Variants in GATA4 observed in about 807,000 individuals in gnomAD.
GATA4 encodes transcription factor GATA-4.
Under a neutral mutation model 37.9 loss-of-function variants are expected in GATA4, and 7 were observed. The ratio of observed to expected loss-of-function variants is 0.18; its 90% CI spans 0.11 to 0.35. The LOEUF (loss-of-function observed/expected upper bound fraction) is 0.35. Among genes scored for constraint, GATA4 ranks in the 10% least tolerant of loss-of-function variants. The pLI is 1.00. For synonymous variants in GATA4, 372 were observed against 292.6 expected (o/e 1.27, Z -2.77); for missense variants, 647 against 653.0 (o/e 0.99, Z 0.10).
intron 2 of GATA4, among the ~76,000 whole-genome samples, chr8:11,735,379 G>A (rs1585653722): frequency 6.6e-6 from 1 of 152,078 alleles, no homozygotes; most frequent in Admixed American, 6.6e-5. Flanking sequence ...CAGATGGTGG[G>A]GGAATAAACA....
In GATA4 at chr8:11,750,176, C is replaced by A; in HGVS notation, c.852C>A (p.Arg284=). Residue 284 remains arginine, a synonymous_variant, in exon 4 of 7, where the codon CGC becomes CGA. Coordinates refer to ENST00000532059, the MANE Select transcript of GATA4 (RefSeq NM_001308093.3). The stretch of plus-strand genomic sequence containing the variant: ...AGACCACCACCACCACGCTGTGGCG[C>A]CGCAATGCGGAGGGCGAGCCTGTGT... ...NCQTTTTTLW[R]RNAEGEPVCN... 1 of 1,613,846 alleles carries A rather than the reference C, an allele frequency of 6.2e-7. No individual in the cohort carries two copies. Among genetic ancestry groups the A allele is most frequent in the Non-Finnish European group, 8.5e-7 (1 of 1,180,044 alleles).
intron 1 of GATA4, among the ~76,000 whole-genome samples, chr8:11,685,067 A>G (rs1211657935): frequency 1.3e-5 from 2 of 152,246 alleles, no homozygotes; most frequent in East Asian, 3.8e-4. Context: ...CAAAGTTTAT[A>G]ATTTGACAAG....
rs77747568 is a variant in GATA4 at position 11,749,919 on chromosome 8, C to T, written c.787-192C>T. Among the ~76,000 whole-genome samples, 5 of 152,216 alleles carry T rather than the reference C, an allele frequency of 3.3e-5. No homozygotes were observed. The highest frequency in any genetic ancestry group is 9.7e-5 in the African/African-American group (4 of 41,444). ...CTCCTCGGGCAGCAGAAACCTTGTT[C>T]TGATTTATTCCTCGCAGTGGCGCAG... On this transcript the variant is annotated intron_variant, in intron 3 of 6. Coordinates refer to ENST00000532059, the MANE Select transcript of GATA4 (RefSeq NM_001308093.3). The surrounding 1 kb of genome is among the most constrained non-coding windows in gnomAD (Gnocchi z 4.6).
chr8:11,685,315 G>A (rs1350246335), intron 1 of GATA4, among the ~76,000 whole-genome samples: 1 of 152,238 alleles, frequency 6.6e-6, no homozygotes, highest in Non-Finnish European at 1.5e-5. Context: ...AATTCTTTCT[G>A]CCTAATGTGG....
intron 2 of GATA4, among the ~76,000 whole-genome samples, chr8:11,739,578 T>C (rs1171090851): frequency 6.6e-6 from 1 of 151,464 alleles, no homozygotes; most frequent in Non-Finnish European, 1.5e-5. Context: ...AGCTGAATTA[T>C]ATTGTGTGTC....
intron 1 of GATA4, among the ~76,000 whole-genome samples, chr8:11,705,762 T>C (rs1427045186): frequency 2.0e-5 from 3 of 152,220 alleles, no homozygotes; most frequent in Non-Finnish European, 2.9e-5. Flanking sequence ...TCAGGCACTA[T>C]ATCAGCCATT....
chr8:11,743,000 C>A (rs936055093), intron 2 of GATA4, among the ~76,000 whole-genome samples: 1 of 152,228 alleles, frequency 6.6e-6, no homozygotes, highest in African/African-American at 2.4e-5. Context: ...CCAAGAAAGC[C>A]TTCTGTGTTG....
At position 11,757,062 on chromosome 8, in the gene GATA4, G is replaced by A. The variant is rs781488882; in HGVS notation, c.1128G>A (p.Gly376=). The A allele has an allele frequency of 2.5e-6, 4 of 1,614,154 alleles. No individual in the cohort carries two copies. Among genetic ancestry groups the A allele is most frequent in the Non-Finnish European group, 3.4e-6 (4 of 1,180,016 alleles). Residue 376 remains glycine, a synonymous_variant, in exon 6 of 7, where the codon GGG becomes GGA. Transcript: ENST00000532059. ...KTEPGLSSHY[G]HSSSVSQTFS... ...AGCCTGGCCTGTCATCTCACTACGG[G>A]CACAGCAGCTCCGTGTCCCAGGTAC...
At chr8:11,717,264 C>A (rs1800474579) in intron 2 of GATA4, among the ~76,000 whole-genome samples, 1 of 152,194 alleles carries the variant, frequency 6.6e-6, no homozygotes, top group African/African-American at 2.4e-5. Flanking sequence ...TTAATTTATA[C>A]AAAATACATT....
At chr8:11,738,228 A>G (rs1406416799) in intron 2 of GATA4, among the ~76,000 whole-genome samples, 2 of 151,972 alleles carry the variant, frequency 1.3e-5, no homozygotes, top group Admixed American at 6.6e-5. Flanking sequence ...ATACATTAAC[A>G]TAAACATAGT....
rs151239968 is a variant in GATA4, at chr8:11,725,442, C to T, written c.616+16514C>T. Among the ~76,000 whole-genome samples the T allele has an allele frequency of 8.5e-3, 1,299 of 152,374 alleles. 10 individuals carry two copies. The highest frequency in any genetic ancestry group is 0.014 in the Admixed American group (221 of 15,304). Reference sequence around the variant, plus strand: ...TACTGGCCCCCACCTTCAGAAGCCTCCGGCTCCGGGCACACGCTGGGAAGT... The same window carrying T: ...TACTGGCCCCCACCTTCAGAAGCCTTCGGCTCCGGGCACACGCTGGGAAGT... On this transcript the variant is annotated intron_variant, in intron 2 of 6. Coordinates refer to ENST00000532059, the MANE Select transcript of GATA4 (RefSeq NM_001308093.3).
chr8:11,721,662 C>G (rs13270069), intron 2 of GATA4, among the ~76,000 whole-genome samples: 90,652 of 151,844 alleles, frequency 0.6, 28,410 homozygotes, highest in Non-Finnish European at 0.71. Context: ...CAAGAGGGGA[C>G]AAAACTCAAG....
chr8:11,680,238 GC>G lies in GATA4; in HGVS notation c.-274+3177del, dbSNP rs1333176637. On this transcript the variant is annotated intron_variant, in intron 1 of 6. Transcript: ENST00000528712. ...CCCCCGGCTCAATCTTTGGTGCAAA[GC>G]CTGAGTGGGCAGGCGGGAGACCAGG... Among the ~76,000 whole-genome samples the G allele has an allele frequency of 3.9e-5, 6 of 152,338 alleles. No individual in the cohort carries two copies. In the East Asian group the frequency reaches 1.2e-3, roughly 29 times the overall value.
At chr8:11,731,569 TGG>T (rs1225551068) in intron 2 of GATA4, among the ~76,000 whole-genome samples, 2 of 152,126 alleles carry the variant, frequency 1.3e-5, no homozygotes, top group African/African-American at 2.4e-5. Context: ...TGCCAGGTGG[TGG>T]GGCCAGGATC....
intron 2 of GATA4, among the ~76,000 whole-genome samples, chr8:11,740,640 T>C (rs1451828838): frequency 6.6e-6 from 1 of 152,150 alleles, no homozygotes; most frequent in Non-Finnish European, 1.5e-5. Context: ...AATGTATTGG[T>C]ATAGGGGCAA....
At chr8:11,737,706 A>G (rs1238591572) in intron 2 of GATA4, among the ~76,000 whole-genome samples, 1 of 152,220 alleles carries the variant, frequency 6.6e-6, no homozygotes, top group African/African-American at 2.4e-5. Context: ...CACTTGGGAA[A>G]TGGGTTCCAT....
chr8:11,733,920 G>T (rs1801328875), intron 2 of GATA4, among the ~76,000 whole-genome samples: 1 of 152,188 alleles, frequency 6.6e-6, no homozygotes, highest in Non-Finnish European at 1.5e-5. Context: ...GCCATTACGT[G>T]GTTCTGTCAT....
chr8:11,751,973 A>G (rs889764474), intron 4 of GATA4, among the ~76,000 whole-genome samples: 1 of 152,228 alleles, frequency 6.6e-6, no homozygotes, highest in Non-Finnish European at 1.5e-5. Context: ...CCAGTACATG[A>G]TGACCTTTGA....
chr8:11,757,224 C>G (rs1802633862), intron 6 of GATA4, 141 bp downstream of exon 6: 1 of 1,314,304 alleles, frequency 7.6e-7, no homozygotes, highest in Non-Finnish European at 1.0e-6. Context: ...CTAGGAAGAC[C>G]CAGCCATTGA....
Sources: gnomAD v4.1 joint callset for allele counts (sites outside exome capture counted in the v4.1 genomes callset) on GRCh38, gnomAD v4.1.1 for gene constraint, Gnocchi (gnomAD v3.1) non-coding constraint, MANE v1.5 for transcripts, NCBI Gene and HGNC (gene_info 2026-07-23, HGNC 2026-07-21) for gene names.